TMEM33: variants seen among roughly 807,000 people sequenced by gnomAD.
TMEM33 encodes the protein transmembrane protein 33.
TMEM33 carries 16 observed loss-of-function variants against 29.7 expected under a neutral mutation model. The ratio of observed to expected loss-of-function variants is 0.54; its 90% CI spans 0.36 to 0.82. TMEM33 has a LOEUF of 0.82. TMEM33 is among the 40% of genes least tolerant of loss of function. The probability of loss-of-function intolerance (pLI) is 0.00; values close to 1 mark genes in which losing one functional copy is unlikely to be tolerated. For missense variants in TMEM33, 252 were observed against 295.3 expected, an observed-to-expected ratio of 0.85 and a Z score of 1.08; for synonymous variants, 112 against 109.4, an observed-to-expected ratio of 1.02 and a Z score of -0.15.
intron 3 of TMEM33, among the ~76,000 whole-genome samples, chr4:41,943,251 G>A (rs1441865306): frequency 5.3e-5 from 8 of 152,222 alleles, no homozygotes; most frequent in East Asian, 3.9e-4. Context: ...TTGGCCGGGC[G>A]CAGTGACTCA....
rs71650953 is a variant in TMEM33, at chr4:41,940,046, C to CTTTTTTT, written c.328+681_328+687dup. On this transcript the variant is annotated intron_variant, in intron 3 of 6. Coordinates refer to ENST00000504986, the MANE Select transcript of TMEM33 (RefSeq NM_018126.3). ...TATAGTGAACACTAGGTTAAACTTT[C>CTTTTTTT]TTTTTTTTTTTTTTTTTTTTTTTTG... 2.9e-3 allele frequency among the ~76,000 whole-genome samples: 232 copies of CTTTTTTT among 81,306 alleles called. 3 individuals are homozygous for CTTTTTTT. The highest frequency in any genetic ancestry group is 5.2e-3 in the African/African-American group (93 of 17,886). 53.3% of individuals were successfully genotyped at this position (81,306 alleles called of 152,430 possible). A position where few individuals can be genotyped will look rare whatever the true frequency, so the allele number is the denominator to read the frequency against.
At chr4:41,954,038 T>A in intron 6 of TMEM33, 32 bp from the exon 7 acceptor site, 1 of 1,609,408 alleles carries the variant, frequency 6.2e-7, no homozygotes, top group Non-Finnish European at 8.5e-7. Flanking sequence ...TTTTTCCTTG[T>A]GTTTCTCAAA....
chr4:41,948,012 T>C (rs1294238086), intron 5 of TMEM33, among the ~76,000 whole-genome samples: 3 of 152,152 alleles, frequency 2.0e-5, no homozygotes, highest in Non-Finnish European at 4.4e-5. Context: ...GTAAAAAAGA[T>C]TGCGGTAATT....
At chr4:41,947,245 A>G (rs1026116474) in intron 5 of TMEM33, among the ~76,000 whole-genome samples, 1 of 152,122 alleles carries the variant, frequency 6.6e-6, no homozygotes, top group African/African-American at 2.4e-5. Flanking sequence ...AAAAAAAAAA[A>G]AAAAGATAGA....
intron 1 of TMEM33, among the ~76,000 whole-genome samples, chr4:41,937,598 G>A (rs1712302284): frequency 6.6e-6 from 1 of 151,768 alleles, no homozygotes; most frequent in South Asian, 2.1e-4. Context: ...GTAAACACCA[G>A]CTATTTTTAA....
intron 6 of TMEM33, 166 bp from the exon 7 acceptor site, chr4:41,953,904 G>C: frequency 1.3e-6 from 1 of 744,518 alleles, no homozygotes; most frequent in Non-Finnish European, 2.3e-6. Flanking sequence ...GACATGAAGT[G>C]AGCACATGCT....
At chr4:41,936,143 C>G (rs1311156777) in intron 1 of TMEM33, among the ~76,000 whole-genome samples, 2 of 152,218 alleles carry the variant, frequency 1.3e-5, no homozygotes, top group Non-Finnish European at 2.9e-5. Flanking sequence ...GACCACAATG[C>G]AGTTACCACA....
rs574843203 is a variant in TMEM33 at position 41,956,764 on chromosome 4, A to T, written c.*2565A>T. The T allele has an allele frequency of 2.6e-5, 4 of 152,306 alleles. No homozygotes were observed. Among genetic ancestry groups the T allele is most frequent in the African/African-American group, 9.6e-5 (4 of 41,574 alleles). The allele number at this position is 152,306 out of a possible 1,614,324, so 9.4% of individuals were successfully genotyped here. ...TTGAAACAGATTTGTTTCTTAAAGG[A>T]AGGTTTAATATACAAAAAAAGGTAA... is the stretch of plus-strand genomic sequence containing the variant. On this transcript the variant is annotated 3_prime_UTR_variant, in exon 7 of 7. Coordinates refer to ENST00000504986, the MANE Select transcript of TMEM33 (RefSeq NM_018126.3).
At chr4:41,947,950 G>T (rs1191288591) in intron 5 of TMEM33, among the ~76,000 whole-genome samples, 1 of 152,166 alleles carries the variant, frequency 6.6e-6, no homozygotes, top group Non-Finnish European at 1.5e-5. Context: ...ATATTCATTA[G>T]TACGGAGTTT....
rs1328405669 is a variant in TMEM33 at position 41,955,035 on chromosome 4, T to G, written c.*836T>G. The G allele has an allele frequency of 2.0e-5, 3 of 152,624 alleles. No individual in the cohort carries two copies. The highest frequency in any genetic ancestry group is 4.4e-5 in the Non-Finnish European group (3 of 68,018). 9.5% of individuals were successfully genotyped at this position (152,624 alleles called of 1,614,324 possible). A position where few individuals can be genotyped will look rare whatever the true frequency, so the allele number is the denominator to read the frequency against. Reference sequence around the variant, plus strand: ...CCTAGTTCAGAATCTTGACTGCCAGTTTTCTTGGTTTCTTAGGCTTGAATT... The same window carrying G: ...CCTAGTTCAGAATCTTGACTGCCAGGTTTCTTGGTTTCTTAGGCTTGAATT... On this transcript the variant is annotated 3_prime_UTR_variant, in exon 7 of 7. Coordinates refer to ENST00000504986, the MANE Select transcript of TMEM33 (RefSeq NM_018126.3).
rs35986538 is a variant in TMEM33, at chr4:41,938,483, T to TA, written c.46-112dup. On this transcript the variant is annotated intron_variant, in intron 1 of 6. Transcript: ENST00000504986. ...GCCTTAGAGTTTTCACCTAATGATCTAAAAAAACAAATGGAGGAAGATTAA... is the reference window on the plus strand; with the variant it reads ...GCCTTAGAGTTTTCACCTAATGATCTAAAAAAAACAAATGGAGGAAGATTAA... The TA allele has an allele frequency of 1.2e-4, 111 of 956,814 alleles. No homozygotes were observed. In the African/African-American group the frequency reaches 1.6e-3, roughly 14 times the overall value. The allele number at this position is 956,814 out of a possible 1,614,324, so 59.3% of individuals were successfully genotyped here.
At chr4:41,952,621 T>C (rs1352351279) in intron 6 of TMEM33, among the ~76,000 whole-genome samples, 2 of 152,086 alleles carry the variant, frequency 1.3e-5, no homozygotes, top group Admixed American at 1.3e-4. Context: ...GCAACATAAG[T>C]TGATGATAGG....
chr4:41,946,541 G>A (rs775128328), intron 5 of TMEM33, among the ~76,000 whole-genome samples: 25 of 151,962 alleles, frequency 1.6e-4, no homozygotes, highest in Non-Finnish European at 2.5e-4. Context: ...AGAACTCCAG[G>A]ACTGGCTGGT....
chr4:41,935,624 C>A, intron 1 of TMEM33, 95 bp downstream of exon 1: 3 of 1,273,186 alleles, frequency 2.4e-6, no homozygotes, highest in Non-Finnish European at 2.2e-6. Flanking sequence ...AAGCTCAGTG[C>A]ATTCAGGAAT....
chr4:41,957,829 T>C lies in TMEM33; in HGVS notation c.*3630T>C, dbSNP rs1713330243. ...CAAGGAAGAAGTAGCCACGGACAGT[T>C]ATGTTTATAATCAGTAGGTGGCACT... On this transcript the variant is annotated 3_prime_UTR_variant, in exon 7 of 7. Transcript: ENST00000504986. 1 of 152,110 alleles carries C rather than the reference T, an allele frequency of 6.6e-6. No individual in the cohort carries two copies. The highest frequency in any genetic ancestry group is 6.5e-5 in the Admixed American group (1 of 15,272). The allele number at this position is 152,110 out of a possible 1,614,324, so 9.4% of individuals were successfully genotyped here. A position where few individuals can be genotyped will look rare whatever the true frequency, so the allele number is the denominator to read the frequency against.
intron 1 of TMEM33, among the ~76,000 whole-genome samples, chr4:41,936,959 C>G (rs1034961911): frequency 1.3e-5 from 2 of 151,772 alleles, no homozygotes; most frequent in African/African-American, 4.8e-5. Context: ...GTAAAGATAC[C>G]TTTTTTCCTT....
At position 41,956,929 on chromosome 4, in the gene TMEM33, A is replaced by G. The variant is rs1467486928; in HGVS notation, c.*2730A>G. 1 of 152,202 alleles carries G rather than the reference A, an allele frequency of 6.6e-6. No individual in the cohort carries two copies. The highest frequency in any genetic ancestry group is 1.5e-5 in the Non-Finnish European group (1 of 68,006). The allele number at this position is 152,202 out of a possible 1,614,324, so 9.4% of individuals were successfully genotyped here. A position where few individuals can be genotyped will look rare whatever the true frequency, so the allele number is the denominator to read the frequency against. On this transcript the variant is annotated 3_prime_UTR_variant, in exon 7 of 7. Coordinates refer to ENST00000504986, the MANE Select transcript of TMEM33 (RefSeq NM_018126.3). ...AATTTGAAATTATAGTGTTACATGT[A>G]TACCTATCAAATTAAAATTAAGGAA...
intron 6 of TMEM33, among the ~76,000 whole-genome samples, chr4:41,950,821 T>C (rs1353746237): frequency 6.6e-6 from 1 of 152,174 alleles, no homozygotes; most frequent in Non-Finnish European, 1.5e-5. Flanking sequence ...TTGTGCCTCC[T>C]TCTCCATTCC....
Position 41,938,491 on chromosome 4 carries a change from C to A in TMEM33, c.46-111C>A, listed in dbSNP as rs535784727. ...GTTTTCACCTAATGATCTAAAAAAA[C>A]AAATGGAGGAAGATTAAAATATTTT... On this transcript the variant is annotated intron_variant, in intron 1 of 6. Coordinates refer to ENST00000504986, the MANE Select transcript of TMEM33 (RefSeq NM_018126.3). The A allele has an allele frequency of 5.9e-6, 6 of 1,021,308 alleles. No individual in the cohort carries two copies. In the East Asian group the frequency reaches 1.5e-4, roughly 25 times the overall value. 63.3% of individuals were successfully genotyped at this position (1,021,308 alleles called of 1,614,324 possible).
Sources: allele counts gnomAD v4.1 joint callset (sites outside exome capture counted in the v4.1 genomes callset), GRCh38; gene constraint gnomAD v4.1.1; transcripts MANE v1.5; gene names NCBI Gene and HGNC (gene_info 2026-07-23, HGNC 2026-07-21).